Variants in SUV39H2 observed in about 807,000 individuals in gnomAD.
The protein encoded by SUV39H2 is SUV39H2 histone lysine methyltransferase.
Under a neutral mutation model 47.5 loss-of-function variants are expected in SUV39H2, and 10 were observed. The observed-to-expected ratio is 0.21, with a 90% CI of 0.13 to 0.36. SUV39H2 has a LOEUF of 0.36. Ranked by LOEUF, SUV39H2 falls within the 10% of genes least tolerant of loss-of-function variation. SUV39H2 has a pLI of 1.00. For synonymous variants in SUV39H2, 159 were observed against 166.8 expected (o/e 0.95, Z 0.36); for missense variants, 266 against 487.4 (o/e 0.55, Z 4.28).
At chr10:14,900,949 G>C (rs1290660816) in intron 4 of SUV39H2, among the ~76,000 whole-genome samples, 184 bp from the exon 5 acceptor site, 2 of 152,160 alleles carry the variant, frequency 1.3e-5, no homozygotes, top group Non-Finnish European at 2.9e-5. Context: ...ATACTTGTCT[G>C]AAGTTTTTAT....
chr10:14,899,235 G>A (rs557135516), intron 3 of SUV39H2: 14 of 702,040 alleles, frequency 2.0e-5, no homozygotes, highest in East Asian at 2.7e-5. Context: ...CAGGAAGATC[G>A]CTTGATCCCA....
At chr10:14,882,454 T>C (rs980011839) in intron 2 of SUV39H2, among the ~76,000 whole-genome samples, 4 of 152,218 alleles carry the variant, frequency 2.6e-5, no homozygotes, top group Non-Finnish European at 5.9e-5. Flanking sequence ...TGCCCATGCA[T>C]CTCACCTGCA....
rs1833379428 is a variant in SUV39H2 at position 14,891,241 on chromosome 10, A to C, written c.178-5605A>C. Among the ~76,000 whole-genome samples, 3 of 152,172 alleles carry C rather than the reference A, an allele frequency of 2.0e-5. No individual in the cohort carries two copies. The South Asian group carries it at 6.2e-4, about 32-fold the overall frequency. On this transcript the variant is annotated intron_variant, in intron 2 of 5. Transcript: ENST00000354919. ...GGGAGAACTTTGTGAACAAAGCAGCAGGGGCATCAAAAGGCCTGGCAAGTT... is the reference window on the plus strand; with the variant it reads ...GGGAGAACTTTGTGAACAAAGCAGCCGGGGCATCAAAAGGCCTGGCAAGTT...
intron 4 of SUV39H2, 82 bp downstream of exon 4, chr10:14,899,767 T>A: frequency 6.8e-7 from 1 of 1,473,246 alleles, no homozygotes; most frequent in Non-Finnish European, 9.2e-7. Context: ...TAATTCCCTT[T>A]AAACTACATA....
At chr10:14,879,131 G>C in intron 1 of SUV39H2, 2 of 1,259,866 alleles carry the variant, frequency 1.6e-6, no homozygotes, top group Non-Finnish European at 2.0e-6. Flanking sequence ...CGCGGAGGTG[G>C]GCACTGTCCG....
At chr10:14,891,634 G>A (rs1309064856) in intron 2 of SUV39H2, among the ~76,000 whole-genome samples, 1 of 152,150 alleles carries the variant, frequency 6.6e-6, no homozygotes, top group Non-Finnish European at 1.5e-5. Context: ...CATCTCTAAA[G>A]AAACTTAGTG....
At chr10:14,884,705 A>G (rs540918645) in intron 2 of SUV39H2, among the ~76,000 whole-genome samples, 2 of 152,210 alleles carry the variant, frequency 1.3e-5, no homozygotes, top group East Asian at 1.9e-4. Flanking sequence ...ATCTTATTCA[A>G]CTTTTCCCCA....
chr10:14,895,333 C>T lies in SUV39H2; in HGVS notation c.178-1513C>T, dbSNP rs570309337. 1.8e-3 allele frequency among the ~76,000 whole-genome samples: 278 copies of T among 152,136 alleles called. 2 individuals carry two copies. The highest frequency in any genetic ancestry group is 3.9e-3 in the Admixed American group (60 of 15,276). On this transcript the variant is annotated intron_variant, in intron 2 of 5. Coordinates refer to ENST00000354919, the MANE Select transcript of SUV39H2 (RefSeq NM_001193424.2). The stretch of plus-strand genomic sequence containing the variant: ...CTGGGATTACAGGTGCCTGCCACCA[C>T]ACCCGGCTAATTTTTTGTATTTTTA...
Position 14,899,943 on chromosome 10 carries a change from G to A in SUV39H2, c.996+258G>A, listed in dbSNP as rs115729126. Among the ~76,000 whole-genome samples, 1,249 of 152,204 alleles carry A rather than the reference G, an allele frequency of 8.2e-3. 21 individuals are homozygous for A. The highest frequency in any genetic ancestry group is 0.028 in the African/African-American group (1,174 of 41,514). ...TATGTTACTTCATTTAAACTTTCTA[G>A]TAACTTTGTACGGTAGGTATTACTT... is the stretch of plus-strand genomic sequence containing the variant. On this transcript the variant is annotated intron_variant, in intron 4 of 5. Transcript: ENST00000354919.
At position 14,899,448 on chromosome 10, in the gene SUV39H2, AT is replaced by A. The variant is rs1833841257; in HGVS notation, c.850-88del. The A allele has an allele frequency of 7.3e-6, 10 of 1,361,836 alleles. No individual in the cohort carries two copies. In the African/African-American group the frequency reaches 8.7e-5, roughly 12 times the overall value. 84.4% of individuals were successfully genotyped at this position (1,361,836 alleles called of 1,614,324 possible). ...CACCTGAATTTCTTACTTTTTAAAT[AT>A]TTGTAGGTATTCGCATATTAGTAGA... is the stretch of plus-strand genomic sequence containing the variant. On this transcript the variant is annotated intron_variant, in intron 3 of 5. Coordinates refer to ENST00000354919, the MANE Select transcript of SUV39H2 (RefSeq NM_001193424.2).
chr10:14,890,311 A>G (rs1226985585), intron 2 of SUV39H2, among the ~76,000 whole-genome samples: 1 of 152,222 alleles, frequency 6.6e-6, no homozygotes, highest in African/African-American at 2.4e-5. Context: ...TCTTACTGGC[A>G]TGAAAATTCA....
intron 2 of SUV39H2, among the ~76,000 whole-genome samples, chr10:14,885,950 A>G (rs1833194581): frequency 6.6e-6 from 1 of 152,158 alleles, no homozygotes; most frequent in South Asian, 2.1e-4. Context: ...ATGGTTCCCT[A>G]TTTAACAGTC....
intron 1 of SUV39H2, chr10:14,879,920 C>CTTTTT (rs1285350201): frequency 7.4e-6 from 1 of 136,022 alleles, no homozygotes; most frequent in Non-Finnish European, 1.6e-5. Flanking sequence ...TTCATGTTCA[C>CTTTTT]TTTTTTTTTT....
chr10:14,881,787 AT>A, intron 2 of SUV39H2, 142 bp downstream of exon 2: 1 of 729,768 alleles, frequency 1.4e-6, no homozygotes, highest in South Asian at 3.7e-5. Context: ...ATGTCCTATC[AT>A]CTGTGTTGCC....
At chr10:14,885,388 T>C (rs1447888308) in intron 2 of SUV39H2, among the ~76,000 whole-genome samples, 2 of 152,226 alleles carry the variant, frequency 1.3e-5, no homozygotes, top group Non-Finnish European at 2.9e-5. Context: ...TTCTTTTTAC[T>C]CTCTAAATCT....
intron 2 of SUV39H2, among the ~76,000 whole-genome samples, chr10:14,896,018 A>G (rs182707936): frequency 9.7e-4 from 147 of 150,954 alleles, no homozygotes; most frequent in Admixed American, 2.0e-3. Context: ...ATCTTGGCTC[A>G]CTGCAACCTC....
intron 2 of SUV39H2, among the ~76,000 whole-genome samples, chr10:14,891,776 A>G (rs1833397446): frequency 6.6e-6 from 1 of 152,228 alleles, no homozygotes; most frequent in Admixed American, 6.5e-5. Flanking sequence ...GGTGAGTTAC[A>G]TGTCGATAGG....
chr10:14,896,488 T>G (rs1243588342), intron 2 of SUV39H2, among the ~76,000 whole-genome samples: 2 of 152,148 alleles, frequency 1.3e-5, no homozygotes, highest in Non-Finnish European at 2.9e-5. Context: ...CATAAAGAGT[T>G]AGCTTTGGGA....
chr10:14,878,898 G>A lies in SUV39H2; in HGVS notation c.10G>A (p.Val4Ile). The change falls in exon 1 of 6, where the codon GTC (valine) becomes ATC (isoleucine). Residue 4 changes from valine to isoleucine, a missense_variant. Coordinates refer to ENST00000354919, the MANE Select transcript of SUV39H2 (RefSeq NM_001193424.2). MAA[V>I]GAEARGAWCV... ...ATGAAAGCTCTACAAGATGGCGGCG[G>A]TCGGGGCCGAGGCGCGAGGAGGTGA... is the stretch of plus-strand genomic sequence containing the variant. 2.0e-6 allele frequency: 3 copies of A among 1,484,738 alleles called. No homozygotes were observed. Among genetic ancestry groups the A allele is most frequent in the Admixed American group, 4.8e-5 (2 of 42,098 alleles). 92.0% of individuals were successfully genotyped at this position (1,484,738 alleles called of 1,614,324 possible). A position where few individuals can be genotyped will look rare whatever the true frequency, so the allele number is the denominator to read the frequency against.
Sources: allele counts gnomAD v4.1 joint callset (sites outside exome capture counted in the v4.1 genomes callset), GRCh38; gene constraint gnomAD v4.1.1; transcripts MANE v1.5; gene names NCBI Gene and HGNC (gene_info 2026-07-23, HGNC 2026-07-21).